NOX3: variants seen among roughly 807,000 people sequenced by gnomAD.
NOX3 encodes NADPH oxidase 3, also known as NADPH oxidase catalytic subunit-like 3.
A neutral mutation model predicts 76.7 loss-of-function variants in NOX3; 74 were observed. The observed-to-expected ratio is 0.96, with a 90% CI of 0.80 to 1.17. NOX3 has a LOEUF of 1.17. NOX3 is among the 50% of genes most tolerant of loss of function. NOX3 has a pLI of 0.00. For missense variants in NOX3, 695 were observed against 703.3 expected (o/e 0.99, Z 0.13); for synonymous variants, 263 against 261.1 (o/e 1.01, Z -0.07).
Position 155,453,493 on chromosome 6 carries a change from A to T in NOX3, c.256-5T>A, listed in dbSNP as rs1382528437. 1.2e-6 allele frequency: 2 copies of T among 1,608,702 alleles called. No individual in the cohort carries two copies. Among genetic ancestry groups the T allele is most frequent in the East Asian group, 2.2e-5 (1 of 44,858 alleles). ...CCTCCACGGTCCTCTGCAGCACTAG[A>T]GTAACAAAAAAATATGCCTGATTTA... On this transcript the variant is annotated splice_polypyrimidine_tract_variant and splice_region_variant and intron_variant, in intron 3 of 13. Transcript: ENST00000159060.
chr6:155,429,043 A>G lies in NOX3; in HGVS notation c.896T>C (p.Val299Ala). The G allele has an allele frequency of 6.3e-7, 1 of 1,592,432 alleles. No homozygotes were observed. Among genetic ancestry groups the G allele is most frequent in the African/African-American group, 1.3e-5 (1 of 74,532 alleles). The part of the protein sequence containing the change: ...FQQEVVITKV[V>A]SHPSGVLELH... ...TTCCAGGACTCCAGAGGGGTGGCTT[A>G]CCACCTATGTGAGAGTGAGAGAGTT... Residue 299 changes from valine (V) to alanine (A), a missense_variant, in exon 9 of 14, where the codon GTA becomes GCA. Coordinates refer to ENST00000159060, the MANE Select transcript of NOX3 (RefSeq NM_015718.3).
chr6:155,405,745 T>A (rs908908245), intron 12 of NOX3, among the ~76,000 whole-genome samples: 4 of 152,136 alleles, frequency 2.6e-5, no homozygotes, highest in African/African-American at 9.7e-5. Context: ...GACTCCGGAA[T>A]CTAACCATTT....
At position 155,453,623 on chromosome 6, in the gene NOX3, G is replaced by A. The variant is rs183896095; in HGVS notation, c.256-135C>T. On this transcript the variant is annotated intron_variant, in intron 3 of 13. Transcript: ENST00000159060. ...GGGCTATGTGACACAAAAGTTAATG[G>A]CCATTAGTCAAACAGGCAAATCAAA... The A allele has an allele frequency of 1.1e-3, 735 of 685,276 alleles. 2 individuals carry two copies. Among genetic ancestry groups the A allele is most frequent in the Non-Finnish European group, 1.3e-3 (485 of 380,394 alleles). The allele number at this position is 685,276 out of a possible 1,614,324, so 42.4% of individuals were successfully genotyped here. A position where few individuals can be genotyped will look rare whatever the true frequency, so the allele number is the denominator to read the frequency against.
intron 12 of NOX3, among the ~76,000 whole-genome samples, chr6:155,404,209 C>T (rs1779275229): frequency 6.6e-6 from 1 of 151,740 alleles, no homozygotes; most frequent in Admixed American, 6.6e-5. Flanking sequence ...TTGTTAGTTT[C>T]TACCTACAAT....
At chr6:155,449,257 A>G (rs947040059) in intron 4 of NOX3, among the ~76,000 whole-genome samples, 1 of 152,104 alleles carries the variant, frequency 6.6e-6, no homozygotes, top group African/African-American at 2.4e-5. Context: ...GCACTCGGCT[A>G]ATTGTTCACT....
chr6:155,401,746 T>C (rs1244017647), intron 12 of NOX3, among the ~76,000 whole-genome samples: 1 of 149,288 alleles, frequency 6.7e-6, no homozygotes, highest in African/African-American at 2.5e-5. Flanking sequence ...TACTCTTCTA[T>C]TTTTTTTTCT....
chr6:155,438,707 C>G (rs974267155), intron 6 of NOX3, among the ~76,000 whole-genome samples: 9 of 152,224 alleles, frequency 5.9e-5, no homozygotes, highest in Non-Finnish European at 1.0e-4. Context: ...GTCACCAAGG[C>G]AGGTGTGACT....
intron 7 of NOX3, among the ~76,000 whole-genome samples, chr6:155,433,957 T>C (rs1776868181): frequency 6.6e-6 from 1 of 152,244 alleles, no homozygotes; most frequent in Non-Finnish European, 1.5e-5. Context: ...ACAGTGAGTA[T>C]TTTATGATAG....
At chr6:155,423,216 C>T (rs571171025) in intron 9 of NOX3, among the ~76,000 whole-genome samples, 1 of 152,178 alleles carries the variant, frequency 6.6e-6, no homozygotes. Flanking sequence ...TCCCTTTCCA[C>T]CCCAGCTGCC....
At chr6:155,406,057 T>TCCTTCACTG (rs1776453223) in intron 12 of NOX3, among the ~76,000 whole-genome samples, 1 of 152,228 alleles carries the variant, frequency 6.6e-6, no homozygotes, top group South Asian at 2.1e-4. Context: ...TGGCACATGC[T>TCCTTCACTG]CCAGTTGCCC....
chr6:155,420,026 G>GTATA (rs148657468), intron 10 of NOX3, among the ~76,000 whole-genome samples: 12 of 151,082 alleles, frequency 7.9e-5, no homozygotes, highest in Admixed American at 2.0e-4. Flanking sequence ...TGTTGTATGT[G>GTATA]TATATATATA....
intron 12 of NOX3, among the ~76,000 whole-genome samples, chr6:155,401,343 T>A (rs1779223227): frequency 6.6e-6 from 1 of 152,224 alleles, no homozygotes; most frequent in African/African-American, 2.4e-5. Context: ...ATTTTTCCCA[T>A]GAAGCTGTAA....
intron 8 of NOX3, among the ~76,000 whole-genome samples, chr6:155,430,483 G>T (rs1776817966): frequency 6.6e-6 from 1 of 151,912 alleles, no homozygotes; most frequent in Non-Finnish European, 1.5e-5. Context: ...TGCAAAATTT[G>T]TGCCTTTACG....
intron 12 of NOX3, among the ~76,000 whole-genome samples, chr6:155,399,678 A>G (rs1034116158): frequency 6.6e-6 from 1 of 151,672 alleles, no homozygotes; most frequent in Non-Finnish European, 1.5e-5. Context: ...ACTGTGAATC[A>G]CAGGGCAGAG....
chr6:155,440,203 T>G, intron 5 of NOX3, 66 bp from the exon 6 acceptor site: 1 of 1,297,834 alleles, frequency 7.7e-7, no homozygotes, highest in Non-Finnish European at 1.0e-6. Flanking sequence ...TTAAATATCC[T>G]GGCATATTTT....
At chr6:155,430,460 A>C (rs1423649331) in intron 8 of NOX3, among the ~76,000 whole-genome samples, 1 of 151,934 alleles carries the variant, frequency 6.6e-6, no homozygotes, top group Non-Finnish European at 1.5e-5. Flanking sequence ...TAGATTTGAA[A>C]ATGTTATTTG....
At chr6:155,423,856 T>C (rs1776723756) in intron 9 of NOX3, among the ~76,000 whole-genome samples, 1 of 151,798 alleles carries the variant, frequency 6.6e-6, no homozygotes, top group Non-Finnish European at 1.5e-5. Context: ...CTCTTCTGAC[T>C]CAGCCTCCCA....
At chr6:155,423,452 G>A (rs1278450382) in intron 9 of NOX3, among the ~76,000 whole-genome samples, 2 of 152,140 alleles carry the variant, frequency 1.3e-5, no homozygotes, top group Non-Finnish European at 2.9e-5. Context: ...CTCAAAATCT[G>A]TGGTAATTAG....
intron 4 of NOX3, among the ~76,000 whole-genome samples, chr6:155,446,545 C>T (rs760889334): frequency 1.3e-5 from 2 of 152,124 alleles, no homozygotes; most frequent in African/African-American, 2.4e-5. Context: ...GCTGTTGATT[C>T]GTGATGAAAG....
Sources: allele counts gnomAD v4.1 joint callset (sites outside exome capture counted in the v4.1 genomes callset), GRCh38; gene constraint gnomAD v4.1.1; transcripts MANE v1.5; gene names NCBI Gene and HGNC (gene_info 2026-07-23, HGNC 2026-07-21).